Variants in KIF16B observed in about 807,000 individuals in gnomAD.
KIF16B encodes the protein kinesin-like protein KIF16B.
In KIF16B, 98 loss-of-function variants were observed where a neutral mutation model predicts 156.3. The observed-to-expected ratio is 0.63, with a 90% CI of 0.53 to 0.74. KIF16B has a LOEUF of 0.74. KIF16B is among the 30% of genes least tolerant of loss of function. The pLI, the probability that KIF16B is intolerant of heterozygous loss-of-function variation, is 0.00. For synonymous variants in KIF16B, 564 were observed against 583.7 expected, an observed-to-expected ratio of 0.97 and a Z score of 0.49; for missense variants, 1,421 against 1,606.5, an observed-to-expected ratio of 0.88 and a Z score of 1.97.
At chr20:16,412,879 G>A (rs2065993734) in intron 15 of KIF16B, among the ~76,000 whole-genome samples, 1 of 152,048 alleles carries the variant, frequency 6.6e-6, no homozygotes. Context: ...AGGGCATAAA[G>A]AGGAATAAAT....
chr20:16,499,634 TAGAA>T (rs569971241), intron 10 of KIF16B, among the ~76,000 whole-genome samples: 4 of 152,314 alleles, frequency 2.6e-5, no homozygotes, highest in South Asian at 2.1e-4. Flanking sequence ...TCAAAACAAA[TAGAA>T]AGCCCTTTAT....
In KIF16B at chr20:16,427,084, T is replaced by G. The variant is rs376849993; in HGVS notation, c.1612+20A>C. The G allele has an allele frequency of 1.9e-6, 3 of 1,587,070 alleles. No individual in the cohort carries two copies. The highest frequency in any genetic ancestry group is 2.7e-5 in the African/African-American group (2 of 73,732). On this transcript the variant is annotated intron_variant, in intron 15 of 25. Transcript: ENST00000354981. ...CTCAAACAATATATACAAAGACCTG[T>G]GAAAATTAAAACCAGATACCTTGAT... is the stretch of plus-strand genomic sequence containing the variant.
At chr20:16,425,096 T>C (rs2066319431) in intron 15 of KIF16B, among the ~76,000 whole-genome samples, 1 of 152,128 alleles carries the variant, frequency 6.6e-6, no homozygotes, top group Non-Finnish European at 1.5e-5. Context: ...CCAGTAGCAA[T>C]GAACACACCT....
chr20:16,294,083 A>T (rs569904786), intron 25 of KIF16B, among the ~76,000 whole-genome samples: 2 of 152,314 alleles, frequency 1.3e-5, no homozygotes, highest in African/African-American at 4.8e-5. Context: ...GCTGCTGGGG[A>T]AGGGGAAATG....
chr20:16,396,648 CTT>C (rs11476845), intron 17 of KIF16B, among the ~76,000 whole-genome samples: 99 of 124,614 alleles, frequency 7.9e-4, no homozygotes, highest in East Asian at 2.1e-3. Context: ...ACTGTAGTCG[CTT>C]TTTTTTTTTT....
At chr20:16,368,197 C>T in intron 22 of KIF16B, 4 of 1,060,062 alleles carry the variant, frequency 3.8e-6, no homozygotes, top group Non-Finnish European at 4.6e-6. Context: ...TTGCACAAGG[C>T]TCTGCTTAAA....
Position 16,518,146 on chromosome 20 carries a change from C to A in KIF16B, c.232-2482G>T, listed in dbSNP as rs539225973. Among the ~76,000 whole-genome samples the A allele has an allele frequency of 9.1e-4, 139 of 152,272 alleles. 2 individuals carry two copies. Among genetic ancestry groups the A allele is most frequent in the Admixed American group, 2.5e-3 (39 of 15,298 alleles). On this transcript the variant is annotated intron_variant, in intron 3 of 25. Coordinates refer to ENST00000354981, the MANE Select transcript of KIF16B (RefSeq NM_024704.5). ...GACCCAGGGCTGGCTCAGACTCAGA[C>A]TCATTCTCAGTGAGTCTCAAATAAC...
At chr20:16,398,200 G>T (rs1439641961) in intron 17 of KIF16B, among the ~76,000 whole-genome samples, 1 of 152,204 alleles carries the variant, frequency 6.6e-6, no homozygotes. Context: ...GGGAAGAAGA[G>T]GGGGAAGGCG....
At chr20:16,378,666 G>T in intron 19 of KIF16B, 139 bp downstream of exon 19, 1 of 825,000 alleles carries the variant, frequency 1.2e-6, no homozygotes, top group Non-Finnish European at 1.9e-6. Context: ...GCAAATATAA[G>T]CATTTGCCTA....
At chr20:16,563,890 T>G (rs1032480257) in intron 1 of KIF16B, among the ~76,000 whole-genome samples, 2 of 152,114 alleles carry the variant, frequency 1.3e-5, no homozygotes, top group African/African-American at 4.8e-5. Context: ...ACTTATAAAG[T>G]TCACCTAAAA....
chr20:16,396,206 A>C (rs1021779774), intron 17 of KIF16B, among the ~76,000 whole-genome samples: 1 of 152,082 alleles, frequency 6.6e-6, no homozygotes, highest in Non-Finnish European at 1.5e-5. Context: ...AACTCCACAC[A>C]CAAGGGATCT....
intron 15 of KIF16B, among the ~76,000 whole-genome samples, chr20:16,413,990 ATATT>A (rs1442118211): frequency 6.6e-6 from 1 of 151,958 alleles, no homozygotes; most frequent in African/African-American, 2.4e-5. Context: ...TATCTTAAAG[ATATT>A]TATTTATATT....
Position 16,379,700 on chromosome 20 carries a change from G to A in KIF16B, c.2302C>T (p.Gln768Ter), listed in dbSNP as rs1430541552. Residue 768 changes from glutamine to a stop codon, truncating the protein, a stop_gained, in exon 19 of 26, where the codon CAG (glutamine) becomes TAG (stop). Coordinates refer to ENST00000354981, the MANE Select transcript of KIF16B (RefSeq NM_024704.5). LOFTEE classifies it high-confidence loss of function. ...ATCATCTCCTGCTTCTCTCGGAGCTGCTCTTCCAGATGGGCCACGAGCATG... is the reference window on the plus strand; with the variant it reads ...ATCATCTCCTGCTTCTCTCGGAGCTACTCTTCCAGATGGGCCACGAGCATG... ...QVMLVAHLEE[Q>*]LREKQEMIQL... 3 of 1,614,142 alleles carry A rather than the reference G, an allele frequency of 1.9e-6. No individual in the cohort carries two copies. In the South Asian group the frequency reaches 3.3e-5, roughly 18 times the overall value.
chr20:16,479,977 C>T (rs1028676129), intron 12 of KIF16B, among the ~76,000 whole-genome samples: 7 of 152,188 alleles, frequency 4.6e-5, no homozygotes, highest in African/African-American at 1.4e-4. Flanking sequence ...GGCTAGACGT[C>T]TCCCTTGGAG....
At chr20:16,291,582 T>C (rs1236326749) in intron 25 of KIF16B, among the ~76,000 whole-genome samples, 2 of 152,146 alleles carry the variant, frequency 1.3e-5, no homozygotes, top group Non-Finnish European at 1.5e-5. Context: ...ATGCCCCTGA[T>C]CAAAGGGAAA....
chr20:16,414,464 C>T (rs971758845), intron 15 of KIF16B, among the ~76,000 whole-genome samples: 5 of 152,038 alleles, frequency 3.3e-5, no homozygotes, highest in Non-Finnish European at 5.9e-5. Flanking sequence ...TCAATGTTTA[C>T]AATTCAAATA....
chr20:16,360,046 T>C (rs2064522719), intron 22 of KIF16B, among the ~76,000 whole-genome samples: 1 of 152,142 alleles, frequency 6.6e-6, no homozygotes, highest in Non-Finnish European at 1.5e-5. Flanking sequence ...GCTACAGAAA[T>C]GAACAACTAA....
At chr20:16,489,203 G>A (rs1287815622) in intron 12 of KIF16B, among the ~76,000 whole-genome samples, 2 of 152,144 alleles carry the variant, frequency 1.3e-5, no homozygotes, top group African/African-American at 4.8e-5. Flanking sequence ...GGTCCTTGCT[G>A]CAGGAGCTGG....
At position 16,281,236 on chromosome 20, in the gene KIF16B, T is replaced by C. The variant is rs927652815; in HGVS notation, c.3796-7825A>G. On this transcript the variant is annotated intron_variant, in intron 25 of 25. Coordinates refer to ENST00000354981, the MANE Select transcript of KIF16B (RefSeq NM_024704.5). ...TAATGGAACTTTATCCACCTTTCCA[T>C]AGTGACATATTAACAGAGAAAGGAG... is the stretch of plus-strand genomic sequence containing the variant. 2.0e-5 allele frequency among the ~76,000 whole-genome samples: 3 copies of C among 152,324 alleles called. 1 individual carries two copies. The South Asian group carries it at 6.2e-4, about 32-fold the overall frequency.
Sources: allele counts gnomAD v4.1 joint callset (sites outside exome capture counted in the v4.1 genomes callset), GRCh38; gene constraint gnomAD v4.1.1; transcripts MANE v1.5; gene names NCBI Gene and HGNC (gene_info 2026-07-23, HGNC 2026-07-21).